Variants in ANKRD36 observed in about 807,000 individuals in gnomAD.
ANKRD36 encodes ankyrin repeat domain-containing protein 36A.
ANKRD36 carries 179 observed loss-of-function variants against 278.1 expected under a neutral mutation model. The observed-to-expected ratio is 0.64, with a 90% CI of 0.57 to 0.73. ANKRD36 has a LOEUF of 0.73. Ranked by LOEUF, ANKRD36 falls within the 30% of genes least tolerant of loss-of-function variation. The pLI is 0.00. For synonymous variants in ANKRD36, 320 were observed against 641.1 expected, an observed-to-expected ratio of 0.50 and a Z score of 7.57; for missense variants, 1,159 against 1,956.7, an observed-to-expected ratio of 0.59 and a Z score of 7.69.
chr2:97,211,437 T>C (rs2064560431), intron 56 of ANKRD36, 109 bp from the exon 57 acceptor site: 8 of 1,503,164 alleles, frequency 5.3e-6, no homozygotes, highest in Middle Eastern at 2.4e-4. Flanking sequence ...CGTCAAGGCC[T>C]ACACTAATAC....
intron 22 of ANKRD36, among the ~76,000 whole-genome samples, chr2:97,170,449 T>C (rs1429359515): frequency 6.6e-6 from 1 of 151,932 alleles, no homozygotes; most frequent in Non-Finnish European, 1.5e-5. Flanking sequence ...AAACAAGAAA[T>C]GGGGAAAGGA....
intron 15 of ANKRD36, among the ~76,000 whole-genome samples, chr2:97,155,583 G>A (rs1461328814): frequency 6.9e-6 from 1 of 145,956 alleles, no homozygotes; most frequent in South Asian, 2.1e-4. Flanking sequence ...TATGCATTTT[G>A]TTTAAAATAA....
chr2:97,224,436 G>GTTTTTTTTTTTTTTTTTTTTTTTTTTTT (rs1457069314), intron 66 of ANKRD36, among the ~76,000 whole-genome samples: 1 of 142,478 alleles, frequency 7.0e-6, no homozygotes, highest in African/African-American at 2.5e-5. Context: ...CTATCGTTTT[G>GTTTTTTTTTTTTTTTTTTTTTTTTTTTT]TTTTTTTGTT....
intron 10 of ANKRD36, among the ~76,000 whole-genome samples, chr2:97,145,101 T>G (rs898124125): frequency 6.6e-6 from 1 of 152,010 alleles, no homozygotes; most frequent in Non-Finnish European, 1.5e-5. Flanking sequence ...ATGATCGTAA[T>G]AAGCCATAAA....
At chr2:97,133,160 T>C (rs2040603948) in intron 6 of ANKRD36, among the ~76,000 whole-genome samples, 1 of 152,096 alleles carries the variant, frequency 6.6e-6, no homozygotes, top group African/African-American at 2.4e-5. Flanking sequence ...GTCTTATGAC[T>C]GTTATATGCA....
intron 67 of ANKRD36, among the ~76,000 whole-genome samples, chr2:97,228,045 T>G (rs1295666683): frequency 6.6e-5 from 10 of 152,118 alleles, no homozygotes; most frequent in African/African-American, 2.2e-4. Flanking sequence ...TGCCCATATT[T>G]TATCGAGGAT....
intron 24 of ANKRD36, among the ~76,000 whole-genome samples, chr2:97,180,891 A>C (rs1250372819): frequency 6.6e-6 from 1 of 151,720 alleles, no homozygotes; most frequent in Non-Finnish European, 1.5e-5. Context: ...TTTACTTTGT[A>C]GAAGTATGTT....
chr2:97,205,031 A>C (rs2062464197), intron 50 of ANKRD36, among the ~76,000 whole-genome samples: 1 of 151,516 alleles, frequency 6.6e-6, no homozygotes, highest in Non-Finnish European at 1.5e-5. Flanking sequence ...TACCTCTTGG[A>C]TAAAATAGCT....
chr2:97,168,654 G>A (rs1575228707), intron 22 of ANKRD36, among the ~76,000 whole-genome samples: 1 of 152,404 alleles, frequency 6.6e-6, no homozygotes, highest in East Asian at 1.9e-4. Context: ...TCCCCTCCCT[G>A]TGTCCATGTG....
intron 75 of ANKRD36, among the ~76,000 whole-genome samples, chr2:97,250,377 A>G (rs1376697235): frequency 3.5e-5 from 5 of 144,562 alleles, no homozygotes; most frequent in African/African-American, 4.9e-5. Context: ...ATCATGTTTC[A>G]TAGCTTTAAA....
intron 10 of ANKRD36, among the ~76,000 whole-genome samples, chr2:97,145,451 TG>T (rs2044025628): frequency 1.3e-5 from 2 of 152,072 alleles, no homozygotes; most frequent in African/African-American, 4.8e-5. Flanking sequence ...ATGCATACAT[TG>T]GCTTTGTTGT....
At chr2:97,206,249 C>G in intron 52 of ANKRD36, 114 bp downstream of exon 52, 3 of 1,197,760 alleles carry the variant, frequency 2.5e-6, no homozygotes, top group Non-Finnish European at 3.4e-6. Flanking sequence ...TTCAGCAGGC[C>G]GGAGATTCTT....
At position 97,217,329 on chromosome 2, in the gene ANKRD36, G is replaced by C. The variant is rs2066211185; in HGVS notation, c.3732G>C (p.Leu1244Phe). Reference protein sequence around the residue: ...KVIFKKKVSLLNIATRITGGW... With the variant: ...KVIFKKKVSLFNIATRITGGW... ...TATTTAAAAAGAAAGTTTCTCTTTT[G>C]AATATTGCCACAAGAATAACAGGCG... is the stretch of plus-strand genomic sequence containing the variant. The change falls in exon 64 of 76, where the codon TTG becomes TTC. Residue 1244 changes from leucine to phenylalanine, a missense_variant. Transcript: ENST00000420699. 6.4e-7 allele frequency: 1 copy of C among 1,551,260 alleles called. No homozygotes were observed.
intron 42 of ANKRD36, among the ~76,000 whole-genome samples, chr2:97,197,992 G>T (rs2060256880): frequency 6.6e-6 from 1 of 151,886 alleles, no homozygotes; most frequent in Admixed American, 6.6e-5. Context: ...CAACTGAATT[G>T]TCATCGTAAT....
chr2:97,198,556 A>C (rs768095561), intron 43 of ANKRD36, 30 bp from the exon 44 acceptor site: 5 of 1,553,244 alleles, frequency 3.2e-6, no homozygotes, highest in Non-Finnish European at 3.5e-6. Flanking sequence ...TACTTTATTA[A>C]TTTATTATTT....
chr2:97,183,949 T>C (rs1295467972), intron 28 of ANKRD36, among the ~76,000 whole-genome samples: 2 of 151,504 alleles, frequency 1.3e-5, no homozygotes, highest in Non-Finnish European at 2.9e-5. Context: ...TTTCAGAGCA[T>C]GTTTCTATGG....
intron 53 of ANKRD36, 41 bp downstream of exon 53, chr2:97,207,880 T>C (rs2063310737): frequency 6.5e-7 from 1 of 1,543,794 alleles, no homozygotes; most frequent in South Asian, 1.2e-5. Context: ...AGTAAATGTA[T>C]AGTCTATGAA....
At position 97,206,087 on chromosome 2, in the gene ANKRD36, G is replaced by C. The variant is rs1038882166; in HGVS notation, c.3115G>C (p.Val1039Leu). The C allele has an allele frequency of 6.4e-7, 1 of 1,550,738 alleles. No homozygotes were observed. Among genetic ancestry groups the C allele is most frequent in the African/African-American group, 1.4e-5 (1 of 73,154 alleles). ...GGCTACAAGTGATGAGGAAGATTCT[G>C]TTTTGAGTATAGCCAGAGAAAACAA... ...LKATSDEEDS[V>L]LSIARENKDG... is the part of the protein sequence containing the mutation. Residue 1039 changes from valine (V) to leucine (L), a missense_variant, in exon 52 of 76, where the codon GTT becomes CTT. Physicochemically the swap from Val to Leu is conservative, Grantham distance 32. Coordinates refer to ENST00000420699, the MANE Select transcript of ANKRD36 (RefSeq NM_001354587.1).
In ANKRD36 at chr2:97,124,506, A is replaced by C. The variant is rs2037978302; in HGVS notation, c.640A>C (p.Ile214Leu). The C allele has an allele frequency of 6.4e-7, 1 of 1,552,284 alleles. No homozygotes were observed. The highest frequency in any genetic ancestry group is 8.7e-7 in the Non-Finnish European group (1 of 1,147,104). ...TACTCTTGGAGAAAAAGATATAGTCATTCTTCTTCTGCAGCACAATATTGA... is the reference window on the plus strand; with the variant it reads ...TACTCTTGGAGAAAAAGATATAGTCCTTCTTCTTCTGCAGCACAATATTGA... ...AVTLGEKDIV[I>L]LLLQHNIDVL... Residue 214 changes from isoleucine to leucine, a missense_variant, in exon 5 of 76, where the codon ATT becomes CTT. By Grantham distance (5) the Ile-to-Leu change is conservative. Transcript: ENST00000420699.
Sources: allele counts gnomAD v4.1 joint callset (sites outside exome capture counted in the v4.1 genomes callset), GRCh38; gene constraint gnomAD v4.1.1; transcripts MANE v1.5; gene names NCBI Gene and HGNC (gene_info 2026-07-23, HGNC 2026-07-21).